Variants in ARL15 observed in about 807,000 individuals in gnomAD.
ARL15 encodes ADP-ribosylation factor-like protein 15.
ARL15 carries 19 observed loss-of-function variants against 25.2 expected under a neutral mutation model. The observed-to-expected ratio is 0.75, with a 90% CI of 0.53 to 1.10. ARL15 has a LOEUF of 1.10. ARL15 is among the 50% of genes least tolerant of loss of function. The pLI is 0.00. For synonymous variants in ARL15, 94 were observed against 86.8 expected (o/e 1.08, Z -0.46); for missense variants, 220 against 246.0 (o/e 0.89, Z 0.71).
chr5:54,194,390 A>AGTGG (rs1374871207), intron 1 of ARL15, among the ~76,000 whole-genome samples: 1 of 152,138 alleles, frequency 6.6e-6, no homozygotes, highest in African/African-American at 2.4e-5. Flanking sequence ...CCCACAACAT[A>AGTGG]GTCTTAACCC....
At chr5:54,230,960 G>C (rs1756655283) in intron 1 of ARL15, among the ~76,000 whole-genome samples, 1 of 152,088 alleles carries the variant, frequency 6.6e-6, no homozygotes, top group Non-Finnish European at 1.5e-5. Context: ...TTTGGCCATT[G>C]CCACTACAGA....
chr5:54,195,399 C>T (rs573878139), intron 1 of ARL15, among the ~76,000 whole-genome samples: 1 of 152,238 alleles, frequency 6.6e-6, no homozygotes, highest in South Asian at 2.1e-4. Context: ...GTTTAAATAG[C>T]TACTACAACA....
At chr5:54,221,870 C>CACACACAA (rs1756387603) in intron 1 of ARL15, among the ~76,000 whole-genome samples, 1 of 140,376 alleles carries the variant, frequency 7.1e-6, no homozygotes, top group Non-Finnish European at 1.6e-5. Context: ...CACACACACA[C>CACACACAA]AAAACCCTCA....
At position 54,301,285 on chromosome 5, in the gene ARL15, AAGAT is replaced by A. The variant is rs1470346031; in HGVS notation, c.48+9143_48+9146del. Among the ~76,000 whole-genome samples, 9 of 152,348 alleles carry A rather than the reference AAGAT, an allele frequency of 5.9e-5. No individual in the cohort carries two copies. The South Asian group carries it at 8.3e-4, about 14-fold the overall frequency. On this transcript the variant is annotated intron_variant, in intron 1 of 4. Transcript: ENST00000504924. ...TTTTAGGGAAAAAAGCAAATTTAGA[AAGAT>A]AGAGCATTATGTTACAATTTTGGTA...
At chr5:54,100,724 C>T (rs574007529) in intron 4 of ARL15, among the ~76,000 whole-genome samples, 7 of 152,076 alleles carry the variant, frequency 4.6e-5, no homozygotes, top group East Asian at 3.9e-4. Context: ...AATTCAAATA[C>T]GGACTATATT....
rs1039022551 is a variant in ARL15, at chr5:54,257,934, A to G, written c.48+52498T>C. 3.9e-5 allele frequency among the ~76,000 whole-genome samples: 6 copies of G among 152,256 alleles called. No homozygotes were observed. The East Asian group carries it at 1.2e-3, about 29-fold the overall frequency. On this transcript the variant is annotated intron_variant, in intron 1 of 4. Coordinates refer to ENST00000504924, the MANE Select transcript of ARL15 (RefSeq NM_019087.3). ...CAAAAACACCTTGTATTTGCAAAAC[A>G]TACTTAAGTGGAGGTACGGGAACTG...
intron 4 of ARL15, among the ~76,000 whole-genome samples, chr5:54,112,116 CCTTT>C (rs1410513591): frequency 2.0e-5 from 3 of 151,910 alleles, no homozygotes; most frequent in Non-Finnish European, 4.4e-5. Flanking sequence ...TGGGTCCTTG[CCTTT>C]CTTTTTTTTA....
At chr5:54,067,232 G>A (rs1418770749) in intron 4 of ARL15, 1 of 152,596 alleles carries the variant, frequency 6.6e-6, no homozygotes, top group African/African-American at 2.4e-5. Flanking sequence ...TATTTACACT[G>A]CATTTAGGAA....
rs182388759 is a variant in ARL15 at position 53,954,713 on chromosome 5, G to A, written c.463-68000C>T. 9.3e-4 allele frequency among the ~76,000 whole-genome samples: 142 copies of A among 152,124 alleles called. 1 individual carries two copies. The highest frequency in any genetic ancestry group is 8.5e-3 in the South Asian group (41 of 4,804). Reference sequence around the variant, plus strand: ...AATAGACTCATTTAATACTCAAAACGGTCAGTAAAATTAGGCATCATTATC... The same window carrying A: ...AATAGACTCATTTAATACTCAAAACAGTCAGTAAAATTAGGCATCATTATC... On this transcript the variant is annotated intron_variant, in intron 4 of 4. Coordinates refer to ENST00000504924, the MANE Select transcript of ARL15 (RefSeq NM_019087.3).
chr5:53,974,481 G>A (rs1053876215), intron 4 of ARL15, among the ~76,000 whole-genome samples: 4 of 152,088 alleles, frequency 2.6e-5, no homozygotes, highest in South Asian at 2.1e-4. Flanking sequence ...GTTTCTCTGC[G>A]CTCACTGTTT....
At chr5:54,143,079 A>G (rs1753815316) in intron 3 of ARL15, among the ~76,000 whole-genome samples, 1 of 152,200 alleles carries the variant, frequency 6.6e-6, no homozygotes, top group Non-Finnish European at 1.5e-5. Context: ...CAAAGAACAT[A>G]TATTTTCTAT....
intron 4 of ARL15, among the ~76,000 whole-genome samples, chr5:54,010,872 G>T (rs994297404): frequency 6.6e-5 from 10 of 151,946 alleles, no homozygotes; most frequent in African/African-American, 2.4e-4. Flanking sequence ...GGTGGTGGGC[G>T]CCTGTAGTCC....
At chr5:54,147,495 C>T (rs1396670993) in intron 3 of ARL15, among the ~76,000 whole-genome samples, 1 of 152,154 alleles carries the variant, frequency 6.6e-6, no homozygotes, top group African/African-American at 2.4e-5. Context: ...GTATCCTCTA[C>T]TTGCTGAACC....
chr5:54,226,653 TAA>T (rs34412141), intron 1 of ARL15, among the ~76,000 whole-genome samples: 39,513 of 151,576 alleles, frequency 0.26, 5,714 homozygotes, highest in Non-Finnish European at 0.33. Context: ...GCTTTTAGTC[TAA>T]GTTATTAAAA....
intron 1 of ARL15, among the ~76,000 whole-genome samples, chr5:54,176,844 T>G (rs915704711): frequency 1.3e-5 from 2 of 152,182 alleles, no homozygotes; most frequent in African/African-American, 4.8e-5. Flanking sequence ...CGATTTTCAT[T>G]TTTCCAAGGT....
chr5:54,254,176 CAG>C (rs1020475275), intron 1 of ARL15, among the ~76,000 whole-genome samples: 3 of 152,164 alleles, frequency 2.0e-5, no homozygotes, highest in Admixed American at 6.5e-5. Flanking sequence ...GTGCCCTGAA[CAG>C]AGTCATTCTA....
At chr5:54,239,593 T>C (rs890029231) in intron 1 of ARL15, among the ~76,000 whole-genome samples, 1 of 152,176 alleles carries the variant, frequency 6.6e-6, no homozygotes, top group Non-Finnish European at 1.5e-5. Flanking sequence ...GCCTCACTTG[T>C]AGTTAAGTGT....
intron 1 of ARL15, among the ~76,000 whole-genome samples, chr5:54,220,007 A>G (rs1579923126): frequency 6.6e-6 from 1 of 152,230 alleles, no homozygotes; most frequent in African/African-American, 2.4e-5. Context: ...AAGATTATTT[A>G]CAGTCTTTAA....
chr5:54,029,888 T>C (rs1231628797), intron 4 of ARL15, among the ~76,000 whole-genome samples: 1 of 151,724 alleles, frequency 6.6e-6, no homozygotes, highest in Non-Finnish European at 1.5e-5. Context: ...TCCCAGCTAC[T>C]CAGGAGGCTG....
Sources: allele counts gnomAD v4.1 joint callset (sites outside exome capture counted in the v4.1 genomes callset), GRCh38; gene constraint gnomAD v4.1.1; transcripts MANE v1.5; gene names NCBI Gene and HGNC (gene_info 2026-07-23, HGNC 2026-07-21).